Variants in TNRC6B observed in about 807,000 individuals in gnomAD.
TNRC6B encodes the protein trinucleotide repeat-containing gene 6B protein.
TNRC6B carries 52 observed loss-of-function variants against 203.6 expected under a neutral mutation model. The ratio of observed to expected loss-of-function variants is 0.26; its 90% confidence interval spans 0.20 to 0.32. The LOEUF (loss-of-function observed/expected upper bound fraction) is 0.32, where lower values mean the gene tolerates loss of function less well. Among genes scored for constraint, TNRC6B ranks in the 10% least tolerant of loss-of-function variants. TNRC6B has a pLI of 1.00. For missense variants in TNRC6B, 1,923 were observed against 2,286.2 expected, an observed-to-expected ratio of 0.84 and a Z score of 3.24; for synonymous variants, 838 against 845.7, an observed-to-expected ratio of 0.99 and a Z score of 0.16.
chr22:40,287,842 T>A (rs1203842318), intron 12 of TNRC6B, among the ~76,000 whole-genome samples: 1 of 152,166 alleles, frequency 6.6e-6, no homozygotes, highest in African/African-American at 2.4e-5. Flanking sequence ...GATAGCAGAA[T>A]TCCCAGCAGA....
chr22:40,177,110 A>G (rs2069070324), upstream of TNRC6B, among the ~76,000 whole-genome samples: 1 of 152,184 alleles, frequency 6.6e-6, no homozygotes, highest in Admixed American at 6.5e-5. Context: ...GTGGAGATGT[A>G]TATGCGAAGG....
At chr22:40,278,245 G>T (rs750483791) in intron 9 of TNRC6B, among the ~76,000 whole-genome samples, 1 of 152,134 alleles carries the variant, frequency 6.6e-6, no homozygotes, top group Non-Finnish European at 1.5e-5. Context: ...ATGTAAATAA[G>T]TGATGTGTGC....
chr22:40,249,185 T>A (rs1481048591), intron 2 of TNRC6B, among the ~76,000 whole-genome samples: 2 of 152,222 alleles, frequency 1.3e-5, no homozygotes, highest in Non-Finnish European at 1.5e-5. Flanking sequence ...ACTGTTAGAC[T>A]GACTGTAAGT....
intron 4 of TNRC6B, among the ~76,000 whole-genome samples, chr22:40,165,754 G>C (rs1233876656): frequency 6.6e-6 from 1 of 152,078 alleles, no homozygotes; most frequent in South Asian, 2.1e-4. Flanking sequence ...GCTGAGCAAT[G>C]GGGGGGAAAG....
At position 40,330,190 on chromosome 22, in the gene TNRC6B, T is replaced by C. The variant is rs191075527; in HGVS notation, c.*6949T>C. 6.6e-6 allele frequency: 1 copy of C among 152,360 alleles called. No homozygotes were observed. The highest frequency in any genetic ancestry group is 1.9e-4 in the East Asian group (1 of 5,190). 9.4% of individuals were successfully genotyped at this position (152,360 alleles called of 1,614,324 possible). Reference sequence around the variant, plus strand: ...ACAAGTTGGGATGGTTTTTGTTTTTTTCTTTTTTTTCAAAAAGGGAAATTC... The same window carrying C: ...ACAAGTTGGGATGGTTTTTGTTTTTCTCTTTTTTTTCAAAAAGGGAAATTC... On this transcript the variant is annotated 3_prime_UTR_variant, in exon 23 of 23. Transcript: ENST00000454349.
intron 3 of TNRC6B, among the ~76,000 whole-genome samples, chr22:40,145,603 G>A (rs1020686272): frequency 1.3e-5 from 2 of 152,182 alleles, no homozygotes; most frequent in African/African-American, 4.8e-5. Flanking sequence ...CAGCACTTTG[G>A]GAGGCTAAGG....
At chr22:40,282,765 T>A (rs2070734532) in intron 11 of TNRC6B, among the ~76,000 whole-genome samples, 1 of 152,190 alleles carries the variant, frequency 6.6e-6, no homozygotes, top group Non-Finnish European at 1.5e-5. Flanking sequence ...ACTATTTTCT[T>A]ACAGAATTAT....
intron 1 of TNRC6B, among the ~76,000 whole-genome samples, chr22:40,208,399 T>G (rs1043949146): frequency 6.6e-6 from 1 of 152,190 alleles, no homozygotes; most frequent in Non-Finnish European, 1.5e-5. Flanking sequence ...ATTGGAAACC[T>G]TAATGCCCAT....
rs1019937408 is a variant in TNRC6B at position 40,261,691 on chromosome 22, C to A, written c.116-141C>A. ...TTTGGAAAGCCAAGGTGGGAGAGTCCCTTGAGCCCGAGTTCAAGACCAGCA... is the reference window on the plus strand; with the variant it reads ...TTTGGAAAGCCAAGGTGGGAGAGTCACTTGAGCCCGAGTTCAAGACCAGCA... On this transcript the variant is annotated intron_variant, in intron 3 of 22. Transcript: ENST00000454349. 9 of 653,976 alleles carry A rather than the reference C, an allele frequency of 1.4e-5. No homozygotes were observed. The African/African-American group carries it at 1.5e-4, about 11-fold the overall frequency. The allele number at this position is 653,976 out of a possible 1,614,324, so 40.5% of individuals were successfully genotyped here. A position where few individuals can be genotyped will look rare whatever the true frequency, so the allele number is the denominator to read the frequency against.
At chr22:40,150,938 C>G (rs749623175) in intron 3 of TNRC6B, among the ~76,000 whole-genome samples, 3 of 152,106 alleles carry the variant, frequency 2.0e-5, no homozygotes, top group Non-Finnish European at 4.4e-5. Context: ...CTCCCTTACC[C>G]CTCCCCTCCT....
chr22:40,118,409 T>C (rs1475070324), intron 2 of TNRC6B, among the ~76,000 whole-genome samples: 1 of 152,210 alleles, frequency 6.6e-6, no homozygotes. Flanking sequence ...ATATCAGGAT[T>C]AGAAAGTTAA....
rs749441092 is a variant in TNRC6B at position 40,113,998 on chromosome 22, A to G, written c.-120-3057A>G. ...ATTCTTAATAATCTGTATCCCAAGAATTATGCTGGATATCAAACTGATAGG... is the reference window on the plus strand; with the variant it reads ...ATTCTTAATAATCTGTATCCCAAGAGTTATGCTGGATATCAAACTGATAGG... On this transcript the variant is annotated intron_variant, in intron 1 of 23. Transcript: ENST00000301923. Among the ~76,000 whole-genome samples, 95 of 152,210 alleles carry G rather than the reference A, an allele frequency of 6.2e-4. 3 individuals are homozygous for G. The highest frequency in any genetic ancestry group is 2.5e-4 in the Non-Finnish European group (17 of 68,050).
At chr22:40,298,588 A>T (rs2070977020) in intron 12 of TNRC6B, among the ~76,000 whole-genome samples, 1 of 152,256 alleles carries the variant, frequency 6.6e-6, no homozygotes, top group Non-Finnish European at 1.5e-5. Flanking sequence ...GACTGAAGTT[A>T]ATATTGTTGT....
At chr22:40,288,582 G>A (rs1384957917) in intron 12 of TNRC6B, among the ~76,000 whole-genome samples, 2 of 146,370 alleles carry the variant, frequency 1.4e-5, no homozygotes, top group Non-Finnish European at 3.0e-5. Flanking sequence ...TCACTCTGTT[G>A]CCCAGGCTGG....
chr22:40,159,874 C>G (rs1447772566), intron 4 of TNRC6B, among the ~76,000 whole-genome samples: 1 of 151,906 alleles, frequency 6.6e-6, no homozygotes. Flanking sequence ...TGCAATGGTA[C>G]GATCATAGCT....
chr22:40,330,631 A>G lies in TNRC6B; in HGVS notation c.*7390A>G, dbSNP rs1441249068. The G allele has an allele frequency of 6.6e-6, 1 of 152,656 alleles. No individual in the cohort carries two copies. Among genetic ancestry groups the G allele is most frequent in the African/African-American group, 2.4e-5 (1 of 41,448 alleles). 9.5% of individuals were successfully genotyped at this position (152,656 alleles called of 1,614,324 possible). On this transcript the variant is annotated 3_prime_UTR_variant, in exon 23 of 23. Transcript: ENST00000454349. ...GACACTTCTTGCCAGAAATTTTGGG[A>G]TAAGTTGGAATAAATGTGTTTAAAA...
intron 1 of TNRC6B, among the ~76,000 whole-genome samples, chr22:40,211,989 C>T (rs1223859136): frequency 6.6e-6 from 1 of 152,216 alleles, no homozygotes; most frequent in African/African-American, 2.4e-5. Context: ...TTCGCTTTTG[C>T]AATTACAAAT....
At chr22:40,283,445 C>T (rs1379087112) in intron 11 of TNRC6B, among the ~76,000 whole-genome samples, 1 of 152,184 alleles carries the variant, frequency 6.6e-6, no homozygotes, top group East Asian at 1.9e-4. Context: ...GTGTGAATCA[C>T]TGTACCTGGC....
At chr22:40,143,075 G>A (rs2068658649) in intron 3 of TNRC6B, among the ~76,000 whole-genome samples, 1 of 152,168 alleles carries the variant, frequency 6.6e-6, no homozygotes, top group Non-Finnish European at 1.5e-5. Context: ...AAAGAGAACA[G>A]TTGGTCAGTT....
Sources: gnomAD v4.1 joint callset for allele counts (sites outside exome capture counted in the v4.1 genomes callset) on GRCh38, gnomAD v4.1.1 for gene constraint, MANE v1.5 for transcripts, NCBI Gene and HGNC (gene_info 2026-07-23, HGNC 2026-07-21) for gene names.